Variants in NTRK3 observed in about 807,000 individuals in gnomAD.
NTRK3 encodes the protein NT-3 growth factor receptor.
In NTRK3, 24 loss-of-function variants were observed where a neutral mutation model predicts 91.7. That is an observed-to-expected ratio of 0.26 (90% CI 0.19 to 0.37). The LOEUF (loss-of-function observed/expected upper bound fraction) is 0.37. NTRK3 is among the 10% of genes least tolerant of loss of function. The pLI is 1.00. For missense variants in NTRK3, 880 were observed against 1,068.9 expected, an observed-to-expected ratio of 0.82 and a Z score of 2.46; for synonymous variants, 483 against 404.0, an observed-to-expected ratio of 1.20 and a Z score of -2.34.
chr15:88,122,618 T>C (rs1597437190), intron 13 of NTRK3, among the ~76,000 whole-genome samples: 1 of 152,160 alleles, frequency 6.6e-6, no homozygotes, highest in East Asian at 1.9e-4. Flanking sequence ...TATGGGTGTT[T>C]GTTATATTAA....
chr15:88,144,855 C>T (rs111243958), intron 6 of NTRK3, among the ~76,000 whole-genome samples: 151 of 152,240 alleles, frequency 9.9e-4, no homozygotes, highest in African/African-American at 3.5e-3. Flanking sequence ...AGCAAGGATC[C>T]TCTACTGGGC....
chr15:87,937,744 A>G (rs1382139935), intron 15 of NTRK3, among the ~76,000 whole-genome samples: 6 of 152,182 alleles, frequency 3.9e-5, no homozygotes, highest in African/African-American at 1.4e-4. Flanking sequence ...TACATTTTCT[A>G]AAGAAAACAA....
At chr15:88,067,221 C>T (rs554717652) in intron 13 of NTRK3, among the ~76,000 whole-genome samples, 1 of 152,236 alleles carries the variant, frequency 6.6e-6, no homozygotes, top group Admixed American at 6.5e-5. Context: ...GTACAGACTC[C>T]CACACGCCAT....
intron 14 of NTRK3, among the ~76,000 whole-genome samples, chr15:87,941,826 G>T (rs2069893159): frequency 6.6e-6 from 1 of 152,246 alleles, no homozygotes. Context: ...AGTTGTACAA[G>T]CAGTGGGCTG....
chr15:88,016,219 G>C (rs1387542441), intron 14 of NTRK3, among the ~76,000 whole-genome samples: 1 of 152,062 alleles, frequency 6.6e-6, no homozygotes, highest in Non-Finnish European at 1.5e-5. Context: ...CAAATGTTAG[G>C]TGTTCTGTCT....
chr15:88,010,453 A>T (rs111470713), intron 14 of NTRK3, among the ~76,000 whole-genome samples: 1 of 152,152 alleles, frequency 6.6e-6, no homozygotes, highest in Non-Finnish European at 1.5e-5. Context: ...AGAACAATTT[A>T]TGTAAAATAA....
intron 10 of NTRK3, among the ~76,000 whole-genome samples, chr15:88,133,487 C>T (rs2041582138): frequency 6.6e-6 from 1 of 152,178 alleles, no homozygotes; most frequent in Non-Finnish European, 1.5e-5. Flanking sequence ...GAAACAGAAA[C>T]ATTGCTTCAG....
intron 14 of NTRK3, among the ~76,000 whole-genome samples, chr15:87,952,164 G>A (rs1220481759): frequency 7.6e-6 from 1 of 130,814 alleles, no homozygotes; most frequent in Non-Finnish European, 1.7e-5. Context: ...GAGAAAGAAA[G>A]AAGAAAGAAA....
At chr15:88,183,337 T>C in intron 5 of NTRK3, 81 bp downstream of exon 5, 1 of 1,457,664 alleles carries the variant, frequency 6.9e-7, no homozygotes, top group Non-Finnish European at 9.6e-7. Context: ...AAAAGCCAGG[T>C]CTAGACCTCA....
intron 13 of NTRK3, among the ~76,000 whole-genome samples, chr15:88,057,877 C>T (rs761954159): frequency 2.0e-5 from 3 of 152,252 alleles, no homozygotes; most frequent in Non-Finnish European, 4.4e-5. Context: ...TCTCTTCTGT[C>T]TTTCTCTTCC....
At chr15:88,024,099 C>T (rs2077819400) in intron 14 of NTRK3, among the ~76,000 whole-genome samples, 1 of 152,236 alleles carries the variant, frequency 6.6e-6, no homozygotes, top group Admixed American at 6.5e-5. Context: ...CTCCCCACCA[C>T]AGCTGGAAAC....
At chr15:87,929,455 G>A (rs1441393218) in intron 16 of NTRK3, 21 bp from the exon 17 acceptor site, 1 of 1,612,878 alleles carries the variant, frequency 6.2e-7, no homozygotes, top group South Asian at 1.1e-5. Context: ...ATGGGGAGAA[G>A]AGAGGGGGCA....
intron 14 of NTRK3, among the ~76,000 whole-genome samples, chr15:87,972,393 C>G (rs571561042): frequency 1.3e-5 from 2 of 152,306 alleles, no homozygotes; most frequent in South Asian, 4.1e-4. Flanking sequence ...CAGGGACTGC[C>G]ATACTGGAAC....
At chr15:87,957,935 C>T (rs751867679) in intron 14 of NTRK3, among the ~76,000 whole-genome samples, 40 of 152,218 alleles carry the variant, frequency 2.6e-4, no homozygotes, top group Non-Finnish European at 5.1e-4. Flanking sequence ...TGAATTCCTC[C>T]GAGGAGAGGA....
At chr15:88,103,744 G>T (rs573458675) in intron 13 of NTRK3, among the ~76,000 whole-genome samples, 33 of 152,020 alleles carry the variant, frequency 2.2e-4, no homozygotes, top group Non-Finnish European at 4.1e-4. Context: ...GAAAGCGAGG[G>T]GTTAAGGCAT....
At chr15:87,996,245 A>AAAGATAAAAT (rs1567202813) in intron 14 of NTRK3, among the ~76,000 whole-genome samples, 1 of 152,146 alleles carries the variant, frequency 6.6e-6, no homozygotes, top group African/African-American at 2.4e-5. Flanking sequence ...CTCCGTCTCT[A>AAAGATAAAAT]AAAATAAAAT....
intron 5 of NTRK3, among the ~76,000 whole-genome samples, chr15:88,169,963 C>T (rs1489461296): frequency 1.3e-5 from 2 of 152,184 alleles, no homozygotes; most frequent in Admixed American, 6.5e-5. Context: ...GTCCTCATCA[C>T]ACTGTATAGT....
chr15:88,080,999 G>C (rs533107268), intron 13 of NTRK3, among the ~76,000 whole-genome samples: 33 of 152,366 alleles, frequency 2.2e-4, no homozygotes, highest in African/African-American at 7.7e-4. Flanking sequence ...CAGTTCCCCT[G>C]TCCTTGCACT....
At chr15:87,907,206 A>T (rs2066823224) in intron 17 of NTRK3, among the ~76,000 whole-genome samples, 1 of 152,220 alleles carries the variant, frequency 6.6e-6, no homozygotes, top group African/African-American at 2.4e-5. Context: ...ACCCGATGCG[A>T]CTGAAATACA....
Sources: gnomAD v4.1 joint callset for allele counts (sites outside exome capture counted in the v4.1 genomes callset) on GRCh38, gnomAD v4.1.1 for gene constraint, MANE v1.5 for transcripts, NCBI Gene and HGNC (gene_info 2026-07-23, HGNC 2026-07-21) for gene names.